Variants in RBFOX1 observed in about 807,000 individuals in gnomAD.
RBFOX1 encodes RNA binding fox-1 homolog 1.
RBFOX1 carries 8 observed loss-of-function variants against 57.7 expected under a neutral mutation model. The observed-to-expected ratio is 0.14, with a 90% confidence interval of 0.08 to 0.25. The LOEUF is 0.25. Ranked by LOEUF, RBFOX1 falls within the 10% of genes least tolerant of loss-of-function variation. RBFOX1 has a pLI of 1.00. For synonymous variants in RBFOX1, 326 were observed against 222.4 expected, an observed-to-expected ratio of 1.47 and a Z score of -4.15; for missense variants, 611 against 548.5, an observed-to-expected ratio of 1.11 and a Z score of -1.14.
chr16:7,615,411 T>A (rs186331022), intron 10 of RBFOX1, among the ~76,000 whole-genome samples: 1 of 152,192 alleles, frequency 6.6e-6, no homozygotes, highest in Admixed American at 6.5e-5. Flanking sequence ...AGAGTTCATG[T>A]TGAGAACTTT....
chr16:6,706,534 C>T (rs184394759), intron 3 of RBFOX1, among the ~76,000 whole-genome samples: 2 of 152,276 alleles, frequency 1.3e-5, no homozygotes, highest in East Asian at 3.9e-4. Flanking sequence ...TTGTATCTTT[C>T]TGTGCATGGG....
At chr16:6,645,047 G>A (rs2098522760) in intron 2 of RBFOX1, among the ~76,000 whole-genome samples, 1 of 152,170 alleles carries the variant, frequency 6.6e-6, no homozygotes, top group African/African-American at 2.4e-5. Flanking sequence ...GGCTCTCCCA[G>A]CAAAGGTTCT....
Position 5,244,944 on chromosome 16 carries a change from C to A in RBFOX1, c.219+4839C>A, listed in dbSNP as rs111989501. On this transcript the variant is annotated intron_variant, in intron 1 of 2. Coordinates refer to the RBFOX1 transcript ENST00000585867. ...GGCTGTGTTGCCCTGGGCTTTAATTCTTTCAGGAACATTTAACCGCAGGGC... is the reference window on the plus strand; with the variant it reads ...GGCTGTGTTGCCCTGGGCTTTAATTATTTCAGGAACATTTAACCGCAGGGC... 9.7e-3 allele frequency among the ~76,000 whole-genome samples: 1,471 copies of A among 152,318 alleles called. 30 individuals carry two copies. Among genetic ancestry groups the A allele is most frequent in the African/African-American group, 0.034 (1,401 of 41,570 alleles).
intron 1 of RBFOX1, among the ~76,000 whole-genome samples, chr16:6,300,661 A>C (rs938059454): frequency 6.6e-5 from 10 of 152,168 alleles, no homozygotes; most frequent in Non-Finnish European, 1.5e-4. Flanking sequence ...CCGGAAAACT[A>C]TTCCTGATTC....
intron 1 of RBFOX1, among the ~76,000 whole-genome samples, chr16:6,054,385 T>G (rs2152442690): frequency 6.6e-6 from 1 of 152,320 alleles, no homozygotes; most frequent in Admixed American, 6.5e-5. Flanking sequence ...GAGGTTTTAT[T>G]AAGTATCAAC....
intron 4 of RBFOX1, among the ~76,000 whole-genome samples, chr16:7,240,590 T>C (rs1350448065): frequency 1.3e-5 from 2 of 152,172 alleles, no homozygotes; most frequent in Non-Finnish European, 2.9e-5. Context: ...GGTCTCACTT[T>C]GTCACCCAGG....
chr16:6,376,876 G>A (rs2091241934), intron 2 of RBFOX1, among the ~76,000 whole-genome samples: 4 of 152,056 alleles, frequency 2.6e-5, no homozygotes, highest in Admixed American at 6.6e-5. Context: ...GGGATCTGGC[G>A]GCCCTCAGCT....
At chr16:7,537,414 A>C (rs2081758233) in intron 5 of RBFOX1, among the ~76,000 whole-genome samples, 1 of 152,198 alleles carries the variant, frequency 6.6e-6, no homozygotes, top group Admixed American at 6.6e-5. Flanking sequence ...ACAGTGAGGA[A>C]ACTGAGGCGT....
chr16:6,596,848 A>T (rs750986350), intron 2 of RBFOX1, among the ~76,000 whole-genome samples: 2 of 152,194 alleles, frequency 1.3e-5, no homozygotes, highest in Non-Finnish European at 2.9e-5. Context: ...TGATAGTTCT[A>T]TATAGTGCTA....
intron 4 of RBFOX1, among the ~76,000 whole-genome samples, chr16:7,233,934 C>T (rs150970708): frequency 2.6e-5 from 4 of 152,296 alleles, no homozygotes; most frequent in Admixed American, 2.0e-4. Flanking sequence ...GACAAATTTC[C>T]ATCTTGACTG....
chr16:6,915,205 C>A (rs918865930), intron 3 of RBFOX1, among the ~76,000 whole-genome samples: 1 of 152,200 alleles, frequency 6.6e-6, no homozygotes, highest in African/African-American at 2.4e-5. Context: ...CGGAGACCCA[C>A]TCCCTTGTTC....
chr16:6,270,539 A>T (rs1567818910), intron 1 of RBFOX1, among the ~76,000 whole-genome samples: 1 of 152,096 alleles, frequency 6.6e-6, no homozygotes, highest in Admixed American at 6.5e-5. Flanking sequence ...CAAGAATAGC[A>T]TTCCTAAATG....
At chr16:6,479,657 C>T (rs1168572781) in intron 2 of RBFOX1, among the ~76,000 whole-genome samples, 1 of 152,102 alleles carries the variant, frequency 6.6e-6, no homozygotes, top group Non-Finnish European at 1.5e-5. Context: ...ATCATGAGAA[C>T]AGCATGGAGG....
chr16:6,350,950 A>T (rs2086247668), intron 2 of RBFOX1, among the ~76,000 whole-genome samples: 1 of 152,220 alleles, frequency 6.6e-6, no homozygotes, highest in Non-Finnish European at 1.5e-5. Context: ...GGTCCTCACC[A>T]CGAAATGCCT....
chr16:7,230,106 G>A (rs1020664507), intron 4 of RBFOX1, among the ~76,000 whole-genome samples: 3 of 151,326 alleles, frequency 2.0e-5, no homozygotes, highest in African/African-American at 7.3e-5. Context: ...GGGAAAGAAG[G>A]AAGGGAGAGA....
At chr16:6,127,544 G>A (rs1041760703) in intron 1 of RBFOX1, among the ~76,000 whole-genome samples, 1 of 152,174 alleles carries the variant, frequency 6.6e-6, no homozygotes, top group African/African-American at 2.4e-5. Flanking sequence ...TGACCTTGCA[G>A]AAATGAATTG....
At chr16:5,807,194 C>T (rs1343357210) in intron 3 of RBFOX1, among the ~76,000 whole-genome samples, 5 of 152,190 alleles carry the variant, frequency 3.3e-5, no homozygotes, top group Admixed American at 6.5e-5. Flanking sequence ...CATGATGGAA[C>T]CTACCTCCCT....
chr16:6,869,886 C>A (rs17141581), intron 3 of RBFOX1, among the ~76,000 whole-genome samples: 1,551 of 152,202 alleles, frequency 0.01, 28 homozygotes, highest in African/African-American at 0.035. Flanking sequence ...TATATGTCTC[C>A]CCGCAGTAAA....
At chr16:5,481,507 CTG>C (rs2069540559) in intron 2 of RBFOX1, among the ~76,000 whole-genome samples, 1 of 152,116 alleles carries the variant, frequency 6.6e-6, no homozygotes, top group African/African-American at 2.4e-5. Context: ...TACTACTTGT[CTG>C]TATTTTTGAG....
Sources: gnomAD v4.1 joint callset for allele counts (sites outside exome capture counted in the v4.1 genomes callset) on GRCh38, gnomAD v4.1.1 for gene constraint, MANE v1.5 for transcripts, NCBI Gene and HGNC (gene_info 2026-07-23, HGNC 2026-07-21) for gene names.